Variants in MIAT observed in about 807,000 individuals in gnomAD.
MIAT encodes myocardial infarction associated transcript, also known as MI related novel mRNA.
At chr22:26,670,602 T>TTAAAAAAAAAAAA, downstream of MIAT, 1 of 308,104 alleles carries the variant, frequency 3.2e-6, no homozygotes, top group Non-Finnish European at 5.3e-6. Context: ...CATTGCTCCT[T>TTAAAAAAAAAAAA]AAAAAAAAAA....
chr22:26,671,523 AC>A (rs887617676), downstream of MIAT: 140 of 395,932 alleles, frequency 3.5e-4, 1 homozygote, highest in African/African-American at 2.8e-3. Flanking sequence ...CCTACTAACC[AC>A]CCCCCCGCAG....
At chr22:26,663,025 G>C (rs764583634) in intron 2 of MIAT, among the ~76,000 whole-genome samples, 2 of 152,218 alleles carry the variant, frequency 1.3e-5, no homozygotes, top group Non-Finnish European at 2.9e-5. Flanking sequence ...TTAGTTTGTG[G>C]ATGAGAAGAC....
chr22:26,660,731 C>T (rs1026218288), intron 2 of MIAT: 2 of 152,040 alleles, frequency 1.3e-5, no homozygotes, highest in African/African-American at 4.8e-5. Flanking sequence ...ATGCTTCTTC[C>T]CAGGGCAGGA....
At chr22:26,659,844 T>C (rs9968027) in intron 2 of MIAT, among the ~76,000 whole-genome samples, 1,565 of 139,568 alleles carry the variant, frequency 0.011, 25 homozygotes, top group African/African-American at 0.038. Flanking sequence ...TTCTTTCTTT[T>C]TTTTTTTTTT....
At chr22:26,673,896 G>A (rs1931163171), downstream of MIAT, 3 of 398,546 alleles carry the variant, frequency 7.5e-6, no homozygotes, top group African/African-American at 2.1e-5. Context: ...TGGCCATTGG[G>A]CATATCTTCA....
At chr22:26,655,147 G>A (rs548442944) in intron 2 of MIAT, among the ~76,000 whole-genome samples, 1 of 152,304 alleles carries the variant, frequency 6.6e-6, no homozygotes, top group African/African-American at 2.4e-5. Flanking sequence ...TACCACCCTG[G>A]CAGGACTGTT....
chr22:26,650,517 G>A (rs1930318877), intron 2 of MIAT: 1 of 152,218 alleles, frequency 6.6e-6, no homozygotes, highest in African/African-American at 2.4e-5. Context: ...ACTTGCATTT[G>A]AATCCGTGTC....
chr22:26,659,840 CTTT>C (rs1189391284), intron 2 of MIAT, among the ~76,000 whole-genome samples: 4 of 94,968 alleles, frequency 4.2e-5, no homozygotes, highest in Admixed American at 1.4e-4. Flanking sequence ...TTCTTTCTTT[CTTT>C]TTTTTTTTTT....
intron 2 of MIAT, among the ~76,000 whole-genome samples, chr22:26,655,003 C>T (rs892970846): frequency 4.6e-5 from 7 of 152,184 alleles, no homozygotes; most frequent in Non-Finnish European, 1.0e-4. Flanking sequence ...TGAGCTGCTG[C>T]GCCCGGCCAA....
exon 1 of MIAT, chr22:26,646,775 T>C: frequency 2.5e-6 from 1 of 398,698 alleles, no homozygotes; most frequent in Non-Finnish European, 4.4e-6. Flanking sequence ...GTCTTAGTGC[T>C]TTCCCCAAGA....
At chr22:26,655,936 G>C in intron 2 of MIAT, 1 of 152,176 alleles carries the variant, frequency 6.6e-6, no homozygotes. Context: ...TTGTCCCCCA[G>C]GCTTCCCAAA....
chr22:26,654,269 A>G lies in MIAT; in HGVS notation n.646+6958A>G, dbSNP rs540660081. Among the ~76,000 whole-genome samples the G allele has an allele frequency of 3.9e-5, 6 of 152,308 alleles. No homozygotes were observed. The East Asian group carries it at 1.2e-3, about 29-fold the overall frequency. On this transcript the variant is annotated intron_variant and non_coding_transcript_variant, in intron 2 of 5. Transcript: ENST00000643270. Reference sequence around the variant, plus strand: ...TATCTCTAGAACCAAAGATACTTGGAGATAGGATCATAGATTCACTATTGC... The same window carrying G: ...TATCTCTAGAACCAAAGATACTTGGGGATAGGATCATAGATTCACTATTGC...
exon 6 of MIAT, chr22:26,668,910 A>T: frequency 2.5e-6 from 1 of 398,668 alleles, no homozygotes; most frequent in African/African-American, 2.1e-5. Context: ...AGGGTCTTTA[A>T]GAGATAAGAT....
chr22:26,649,541 A>G (rs867654107), intron 2 of MIAT, among the ~76,000 whole-genome samples: 2 of 152,224 alleles, frequency 1.3e-5, no homozygotes, highest in South Asian at 4.1e-4. Flanking sequence ...ATGAGGGCAC[A>G]TGCTTGGTCT....
downstream of MIAT, chr22:26,670,173 G>A (rs1330525283): frequency 1.0e-5 from 4 of 397,936 alleles, no homozygotes; most frequent in African/African-American, 4.1e-5. Context: ...TCAGCTTGGG[G>A]AGGTGGCAGC....
At position 26,675,945 on chromosome 22, in the gene MIAT, AGT is replaced by A. The variant is rs567993926; in HGVS notation, n.9621_9622del. On this transcript the variant is annotated non_coding_transcript_exon_variant, in exon 5 of 5. Transcript: ENST00000613780. ...TTGGCGATGGTTGTGAGATTCTAAGAGTGTGTGTGCATCTTGACAATATTAGA... is the reference window on the plus strand; with the variant it reads ...TTGGCGATGGTTGTGAGATTCTAAGAGTGTGTGCATCTTGACAATATTAGA... The A allele has an allele frequency of 3.0e-5, 12 of 398,588 alleles. No homozygotes were observed. The South Asian group carries it at 1.4e-3, about 47-fold the overall frequency. 24.7% of individuals were successfully genotyped at this position (398,588 alleles called of 1,614,324 possible). A position where few individuals can be genotyped will look rare whatever the true frequency, so the allele number is the denominator to read the frequency against.
At chr22:26,660,009 G>A (rs1930607741) in intron 2 of MIAT, among the ~76,000 whole-genome samples, 1 of 150,722 alleles carries the variant, frequency 6.6e-6, no homozygotes, top group South Asian at 2.1e-4. Flanking sequence ...CTAATTTTTG[G>A]ATTTTTTGTA....
exon 5 of MIAT, chr22:26,675,324 G>A: frequency 2.5e-6 from 1 of 398,744 alleles, no homozygotes; most frequent in Non-Finnish European, 4.4e-6. Flanking sequence ...AGAGATAGGA[G>A]ACATGGACAT....
downstream of MIAT, chr22:26,673,097 C>T (rs1931118750): frequency 5.0e-6 from 2 of 398,640 alleles, 1 homozygote; most frequent in Admixed American, 8.8e-5. Flanking sequence ...GGAGGGGAAG[C>T]AGCTTTACCC....
Sources: gnomAD v4.1 joint callset for allele counts (sites outside exome capture counted in the v4.1 genomes callset) on GRCh38, gnomAD v4.1.1 for gene constraint, MANE v1.5 for transcripts, NCBI Gene and HGNC (gene_info 2026-07-23, HGNC 2026-07-21) for gene names.